PASD1: variants seen among roughly 807,000 people sequenced by gnomAD.
PASD1 encodes PAS domain containing repressor 1.
A neutral mutation model predicts 58.8 loss-of-function variants in PASD1; 13 were observed. That is an observed-to-expected ratio of 0.22 (90% confidence interval 0.14 to 0.35). The LOEUF (loss-of-function observed/expected upper bound fraction) is 0.35, where lower values mean the gene tolerates loss of function less well. Ranked by LOEUF, PASD1 falls within the 10% of genes least tolerant of loss-of-function variation. The pLI is 1.00. For missense variants in PASD1, 734 were observed against 568.3 expected (o/e 1.29, Z -2.96); for synonymous variants, 236 against 216.7 (o/e 1.09, Z -0.78).
Position 151,625,522 on chromosome X carries a change from A to G in PASD1, c.621A>G (p.Gly207=), listed in dbSNP as rs943352543. The change falls in exon 8 of 16, where the codon GGA becomes GGG. Residue 207 remains glycine, a synonymous_variant. Coordinates refer to ENST00000370357, the MANE Select transcript of PASD1 (RefSeq NM_173493.3). ...ATTCAGATGAGGAACCTTTTGTGGG[A>G]GAGCTCAGGTGAGAGGTAGTATTGA... ...TQDSDEEPFV[G]ELSSSQGQRG... 1 of 1,197,217 alleles carries G rather than the reference A, an allele frequency of 8.4e-7. No homozygotes were observed. The highest frequency in any genetic ancestry group is 1.8e-5 in the South Asian group (1 of 55,993).
intron 8 of PASD1, among the ~76,000 whole-genome samples, chrX:151,631,513 T>C (rs2013866341): frequency 2.7e-5 from 3 of 112,182 alleles, no homozygotes; most frequent in African/African-American, 9.7e-5. Context: ...GCCCTAATAC[T>C]TTTTACAAAG....
chrX:151,598,428 A>G (rs1171173632), intron 1 of PASD1, among the ~76,000 whole-genome samples: 1 of 111,019 alleles, frequency 9.0e-6, no homozygotes, highest in East Asian at 2.8e-4. Context: ...ATTTTGATTT[A>G]TCCAGATTGG....
At chrX:151,669,085 A>G (rs1438515275) in intron 11 of PASD1, among the ~76,000 whole-genome samples, 3 of 107,309 alleles carry the variant, frequency 2.8e-5, no homozygotes, top group African/African-American at 1.0e-4. Flanking sequence ...ATTTTACTTT[A>G]AGATATTGTG....
intron 1 of PASD1, among the ~76,000 whole-genome samples, chrX:151,600,201 C>G (rs867082541): frequency 1.8e-5 from 2 of 109,788 alleles, no homozygotes; most frequent in African/African-American, 3.3e-5. Flanking sequence ...TGCAGTGAGT[C>G]GAGATGGTGG....
intron 3 of PASD1, among the ~76,000 whole-genome samples, chrX:151,606,783 A>G (rs2013494758): frequency 9.0e-6 from 1 of 110,575 alleles, no homozygotes; most frequent in South Asian, 3.9e-4. Context: ...GCAAGCAGAC[A>G]TACAGAAAAT....
chrX:151,647,587 C>A (rs2014076279), intron 8 of PASD1, among the ~76,000 whole-genome samples: 1 of 108,615 alleles, frequency 9.2e-6, no homozygotes, highest in Non-Finnish European at 1.9e-5. Flanking sequence ...CGATATAGTC[C>A]AGTTATACAT....
chrX:151,672,284 G>T lies in PASD1; in HGVS notation c.1539G>T (p.Lys513Asn). The change falls in exon 14 of 16, where the codon AAG (lysine) becomes AAT (asparagine). Residue 513 changes from lysine (K) to asparagine (N), a missense_variant. Transcript: ENST00000370357. ...AGCAAAGGAAGGTGCAGAAGCAGAA[G>T]AAGATGCAGGAGAAGAAGAAGCTGC... ...LREQRKVQKQ[K>N]KMQEKKKLQE... is the part of the protein sequence containing the mutation. 8.6e-7 allele frequency: 1 copy of T among 1,168,366 alleles called. No individual in the cohort carries two copies. Among genetic ancestry groups the T allele is most frequent in the Non-Finnish European group, 1.1e-6 (1 of 873,576 alleles).
At chrX:151,650,925 G>A (rs750028809) in intron 9 of PASD1, among the ~76,000 whole-genome samples, 3 of 111,596 alleles carry the variant, frequency 2.7e-5, no homozygotes, top group Non-Finnish European at 3.8e-5. Context: ...CGGAGTCCTA[G>A]AGAAGAGAGA....
Position 151,625,438 on chromosome X carries a change from T to A in PASD1, c.547-10T>A. 1 of 1,194,694 alleles carries A rather than the reference T, an allele frequency of 8.4e-7. No individual in the cohort carries two copies. Among genetic ancestry groups the A allele is most frequent in the Non-Finnish European group, 1.1e-6 (1 of 884,110 alleles). On this transcript the variant is annotated splice_polypyrimidine_tract_variant and intron_variant, in intron 7 of 15. Coordinates refer to ENST00000370357, the MANE Select transcript of PASD1 (RefSeq NM_173493.3). The stretch of plus-strand genomic sequence containing the variant: ...ATATTAAATGTCTAAATATTTGAAT[T>A]TTTCTGCAGCAACTTTACACTTCAA...
chrX:151,649,851 T>A (rs1041488320), intron 9 of PASD1, among the ~76,000 whole-genome samples: 4 of 112,288 alleles, frequency 3.6e-5, no homozygotes, highest in African/African-American at 9.7e-5. Flanking sequence ...TGTACTGGGA[T>A]CAGTGCAGAC....
At chrX:151,643,908 C>T (rs1030376169) in intron 8 of PASD1, among the ~76,000 whole-genome samples, 2 of 112,024 alleles carry the variant, frequency 1.8e-5, no homozygotes, top group African/African-American at 6.5e-5. Context: ...AAGATACAGA[C>T]CCCTGGGTAG....
At chrX:151,643,246 C>G (rs760536632) in intron 8 of PASD1, among the ~76,000 whole-genome samples, 1 of 111,840 alleles carries the variant, frequency 8.9e-6, no homozygotes, top group South Asian at 3.7e-4. Context: ...AGTTGGTATG[C>G]TTCCATACTG....
intron 3 of PASD1, among the ~76,000 whole-genome samples, chrX:151,604,973 A>G (rs1207632528): frequency 8.9e-6 from 1 of 112,067 alleles, no homozygotes; most frequent in African/African-American, 3.2e-5. Context: ...ACTGATTTTG[A>G]GTGACAACAA....
rs377148573 is a variant in PASD1, at chrX:151,672,678, A to G, written c.1916+17A>G. 1.7e-6 allele frequency: 2 copies of G among 1,207,273 alleles called. No individual in the cohort carries two copies. Among genetic ancestry groups the G allele is most frequent in the Non-Finnish European group, 2.2e-6 (2 of 893,055 alleles). ...GAGTCAAAGGTAAGACATGCATGGA[A>G]TGGTGATAGTGGCTATGATTATTGC... On this transcript the variant is annotated intron_variant, in intron 14 of 15. Transcript: ENST00000370357.
chrX:151,675,294 T>G (rs1365359749), intron 15 of PASD1, among the ~76,000 whole-genome samples: 1 of 111,424 alleles, frequency 9.0e-6, no homozygotes, highest in Non-Finnish European at 1.9e-5. Context: ...CCCGAGCTCC[T>G]CTTCTTAGCT....
At chrX:151,614,851 A>G (rs2013617935) in intron 4 of PASD1, among the ~76,000 whole-genome samples, 1 of 111,911 alleles carries the variant, frequency 8.9e-6, no homozygotes. Flanking sequence ...AAAAAAAATT[A>G]CAGATGCTAG....
chrX:151,645,671 C>T (rs1029347662), intron 8 of PASD1: 4 of 111,441 alleles, frequency 3.6e-5, no homozygotes, highest in Admixed American at 1.9e-4. Context: ...GATCTTTCTC[C>T]TTATTTTTAA....
chrX:151,604,321 A>G (rs2013458339), intron 2 of PASD1, among the ~76,000 whole-genome samples: 1 of 111,907 alleles, frequency 8.9e-6, no homozygotes, highest in African/African-American at 3.2e-5. Context: ...CTTACCTGGC[A>G]GATTATGGAT....
At chrX:151,567,330 A>G (rs1602896379) in intron 1 of PASD1, among the ~76,000 whole-genome samples, 1 of 110,915 alleles carries the variant, frequency 9.0e-6, no homozygotes, top group African/African-American at 3.3e-5. Context: ...CGGGACCAGG[A>G]GAAATTTGGG....
Sources: gnomAD v4.1 joint callset for allele counts (sites outside exome capture counted in the v4.1 genomes callset) on GRCh38, gnomAD v4.1.1 for gene constraint, MANE v1.5 for transcripts, NCBI Gene and HGNC (gene_info 2026-07-23, HGNC 2026-07-21) for gene names.